Variants in NLGN1 observed in about 807,000 individuals in gnomAD.
NLGN1 encodes the protein neuroligin 1, also known as neuroligin-1.
NLGN1 carries 12 observed loss-of-function variants against 65.5 expected under a neutral mutation model. The observed-to-expected ratio is 0.18, with a 90% CI of 0.12 to 0.30. The LOEUF is 0.30. Ranked by LOEUF, NLGN1 falls within the 10% of genes least tolerant of loss-of-function variation. The probability of loss-of-function intolerance (pLI) is 1.00; values close to 1 mark genes in which losing one functional copy is unlikely to be tolerated. For missense variants in NLGN1, 750 were observed against 1,007.1 expected (o/e 0.74, Z 3.46); for synonymous variants, 350 against 359.5 (o/e 0.97, Z 0.30).
At chr3:173,900,836 T>G (rs1399955273) in intron 4 of NLGN1, among the ~76,000 whole-genome samples, 1 of 151,974 alleles carries the variant, frequency 6.6e-6, no homozygotes, top group Non-Finnish European at 1.5e-5. Flanking sequence ...TTGTTCAACA[T>G]TTTACCCTGA....
At chr3:173,653,683 A>G (rs971471319) in intron 3 of NLGN1, among the ~76,000 whole-genome samples, 6 of 152,186 alleles carry the variant, frequency 3.9e-5, no homozygotes, top group Non-Finnish European at 8.8e-5. Context: ...GTATTGAGAC[A>G]TGGAATCTGA....
rs185909138 is a variant in NLGN1 at position 173,469,798 on chromosome 3, T to C, written c.-321+34720T>C. 1.2e-3 allele frequency among the ~76,000 whole-genome samples: 182 copies of C among 152,168 alleles called. 1 individual carries two copies. Among genetic ancestry groups the C allele is most frequent in the Non-Finnish European group, 2.3e-3 (155 of 67,976 alleles). ...CTGGTAGCCGCCAATCTACATTTTG[T>C]GTTTTTCAAAACTTCTTAATGTGGA... On this transcript the variant is annotated intron_variant, in intron 2 of 6. Transcript: ENST00000457714.
At chr3:173,754,746 T>C (rs1006250694) in intron 3 of NLGN1, among the ~76,000 whole-genome samples, 2 of 152,186 alleles carry the variant, frequency 1.3e-5, no homozygotes, top group African/African-American at 4.8e-5. Context: ...AAGATAGTAC[T>C]GAATCTTCTT....
rs548526980 is a variant in NLGN1 at position 173,878,202 on chromosome 3, TG to T, written c.646+70372del. On this transcript the variant is annotated intron_variant, in intron 4 of 6. Coordinates refer to ENST00000457714, the Ensembl canonical transcript of NLGN1. ...GACTACAGGTGCATGCCACCACGCC[TG>T]GCTAATTTTTGTATTTTTAGTAGAA... Among the ~76,000 whole-genome samples the T allele has an allele frequency of 4.3e-3, 648 of 152,124 alleles. 9 individuals are homozygous for T. The highest frequency in any genetic ancestry group is 0.014 in the African/African-American group (593 of 41,496).
intron 3 of NLGN1, among the ~76,000 whole-genome samples, chr3:173,652,752 T>C (rs1458404570): frequency 6.6e-6 from 1 of 152,182 alleles, no homozygotes; most frequent in Non-Finnish European, 1.5e-5. Flanking sequence ...CCGTATACAT[T>C]TTAGGATGTT....
In NLGN1 at chr3:174,265,366, G is replaced by A. The variant is rs1192891973; in HGVS notation, c.647-9949G>A. On this transcript the variant is annotated intron_variant, in intron 4 of 6. Transcript: ENST00000457714. ...GCGTAGGACCCTCCGAGCCAGGTGCGGGATGTAATCTTGTGGTGCGCCGTT... is the reference window on the plus strand; with the variant it reads ...GCGTAGGACCCTCCGAGCCAGGTGCAGGATGTAATCTTGTGGTGCGCCGTT... Among the ~76,000 whole-genome samples the A allele has an allele frequency of 2.6e-5, 4 of 152,158 alleles. 1 individual carries two copies. The South Asian group carries it at 6.2e-4, about 24-fold the overall frequency.
chr3:173,507,100 CA>C (rs1345998651), intron 2 of NLGN1, among the ~76,000 whole-genome samples: 1 of 152,172 alleles, frequency 6.6e-6, no homozygotes, highest in Non-Finnish European at 1.5e-5. Flanking sequence ...CTTGCTACTT[CA>C]CACTTCTCTG....
At chr3:173,863,483 T>A (rs1729540557) in intron 4 of NLGN1, among the ~76,000 whole-genome samples, 1 of 152,232 alleles carries the variant, frequency 6.6e-6, no homozygotes, top group South Asian at 2.1e-4. Context: ...ACAATTTTTT[T>A]AGTGTGCGTA....
At chr3:173,857,178 A>G (rs927157639) in intron 4 of NLGN1, among the ~76,000 whole-genome samples, 2 of 152,044 alleles carry the variant, frequency 1.3e-5, no homozygotes, top group Non-Finnish European at 2.9e-5. Flanking sequence ...TTGGGGTAGC[A>G]TGTCCTTAAG....
chr3:173,717,031 A>G (rs575188675), intron 3 of NLGN1, among the ~76,000 whole-genome samples: 1 of 152,286 alleles, frequency 6.6e-6, no homozygotes, highest in African/African-American at 2.4e-5. Context: ...ACTTTTTATT[A>G]AGTGACTCTA....
chr3:173,640,101 C>A (rs1186188594), intron 3 of NLGN1, among the ~76,000 whole-genome samples: 2 of 152,062 alleles, frequency 1.3e-5, no homozygotes, highest in African/African-American at 2.4e-5. Flanking sequence ...CAACGGGGTG[C>A]ATAATATAAT....
intron 3 of NLGN1, among the ~76,000 whole-genome samples, chr3:173,709,912 A>G (rs1321787483): frequency 3.3e-5 from 5 of 151,586 alleles, no homozygotes; most frequent in African/African-American, 1.2e-4. Flanking sequence ...AACTTGGTGT[A>G]TGCTTTTCAG....
At chr3:173,582,301 C>A (rs1746523565) in intron 2 of NLGN1, among the ~76,000 whole-genome samples, 1 of 151,880 alleles carries the variant, frequency 6.6e-6, no homozygotes, top group Non-Finnish European at 1.5e-5. Context: ...TTTCTCTCTC[C>A]TACTGTTTTT....
chr3:173,523,883 A>G (rs1735182151), intron 2 of NLGN1, among the ~76,000 whole-genome samples: 1 of 149,830 alleles, frequency 6.7e-6, no homozygotes, highest in African/African-American at 2.5e-5. Context: ...CTTCCCATCC[A>G]TGAGCATGAG....
At position 174,280,823 on chromosome 3, in the gene NLGN1, A is replaced by G; in HGVS notation, c.1992A>G (p.Pro664=). ...ATGATCCCAAACAACAACCAAGTCC[A>G]TTTTCAGTGGATCAAAGGGACTACT... Residue 664 remains proline, a synonymous_variant, in exon 7 of 7, where the codon CCA becomes CCG. Transcript: ENST00000457714. This position sits in a 1 kb window ranked among gnomAD's most constrained non-coding sequence, Gnocchi z 4.9. 6.2e-7 allele frequency: 1 copy of G among 1,613,330 alleles called. No individual in the cohort carries two copies. Among genetic ancestry groups the G allele is most frequent in the Middle Eastern group, 1.7e-4 (1 of 6,054 alleles).
intron 4 of NLGN1, among the ~76,000 whole-genome samples, chr3:173,977,106 C>CACAT (rs71162372): frequency 2.1e-5 from 3 of 139,988 alleles, no homozygotes; most frequent in Non-Finnish European, 4.7e-5. Flanking sequence ...CACACACACA[C>CACAT]GCACACACAC....
intron 3 of NLGN1, among the ~76,000 whole-genome samples, chr3:173,744,342 C>T (rs1775056694): frequency 6.6e-6 from 1 of 152,060 alleles, no homozygotes; most frequent in Non-Finnish European, 1.5e-5. Context: ...TGCCCAGACA[C>T]TATGCTTAAT....
At chr3:174,222,801 C>T (rs974283412) in intron 4 of NLGN1, among the ~76,000 whole-genome samples, 1 of 152,000 alleles carries the variant, frequency 6.6e-6, no homozygotes, top group Non-Finnish European at 1.5e-5. Flanking sequence ...TTTGTTTCTC[C>T]CCAGGTGTTG....
At chr3:174,079,266 G>A (rs907006000) in intron 4 of NLGN1, among the ~76,000 whole-genome samples, 2 of 151,852 alleles carry the variant, frequency 1.3e-5, no homozygotes, top group African/African-American at 4.8e-5. Context: ...ATATACATGC[G>A]GCCAACACTC....
Sources: allele counts gnomAD v4.1 joint callset (sites outside exome capture counted in the v4.1 genomes callset), GRCh38; gene constraint gnomAD v4.1.1; non-coding constraint Gnocchi (gnomAD v3.1); transcripts MANE v1.5; gene names NCBI Gene and HGNC (gene_info 2026-07-23, HGNC 2026-07-21).